The following MORC1 variants were observed in gnomAD, a reference collection of about 807,000 sequenced individuals.
MORC1 encodes the protein MORC family CW-type zinc finger 1, also known as MORC family CW-type zinc finger protein 1.
MORC1 carries 59 observed loss-of-function variants against 134.9 expected under a neutral mutation model. The observed-to-expected ratio is 0.44, with a 90% CI of 0.35 to 0.54. MORC1 has a LOEUF of 0.54. Ranked by LOEUF, MORC1 falls within the 20% of genes least tolerant of loss-of-function variation. The pLI is 0.00. For missense variants in MORC1, 947 were observed against 1,134.5 expected (o/e 0.83, Z 2.37); for synonymous variants, 395 against 391.7 (o/e 1.01, Z -0.10).
intron 21 of MORC1, among the ~76,000 whole-genome samples, chr3:108,998,261 T>C (rs914810177): frequency 1.3e-5 from 2 of 152,240 alleles, no homozygotes; most frequent in African/African-American, 4.8e-5. Context: ...ATCTTTTAAA[T>C]GACTGAACTG....
At chr3:109,011,040 T>C (rs1948669264) in intron 17 of MORC1, among the ~76,000 whole-genome samples, 1 of 152,220 alleles carries the variant, frequency 6.6e-6, no homozygotes. Context: ...CTGGGTCATA[T>C]GATAGGTATA....
intron 8 of MORC1, among the ~76,000 whole-genome samples, chr3:109,075,427 A>G (rs1243894245): frequency 6.6e-6 from 1 of 152,192 alleles, no homozygotes; most frequent in Non-Finnish European, 1.5e-5. Flanking sequence ...TAGAGTTTTT[A>G]TGGCTTTAGG....
intron 9 of MORC1, among the ~76,000 whole-genome samples, chr3:109,067,212 T>C (rs1479780056): frequency 1.3e-5 from 2 of 152,212 alleles, no homozygotes; most frequent in African/African-American, 4.8e-5. Flanking sequence ...TATGGGTCTA[T>C]GGTTAAGCAA....
intron 14 of MORC1, chr3:109,049,171 A>G (rs1243343537): frequency 3.7e-5 from 36 of 984,886 alleles, no homozygotes; most frequent in Non-Finnish European, 4.3e-5. Flanking sequence ...TTTTCCTGGT[A>G]GTCCCTTTCT....
chr3:109,011,112 G>A (rs901506711), intron 17 of MORC1, among the ~76,000 whole-genome samples: 1 of 152,200 alleles, frequency 6.6e-6, no homozygotes. Context: ...CCCTTTGGGA[G>A]GCCAAGGCAG....
chr3:109,061,902 G>C lies in MORC1; in HGVS notation c.966+86C>G. ...TTATCTGTGCTTAAAAGTTTAGGAA[G>C]TAGATGATAAGAGACAACTATGCAC... On this transcript the variant is annotated intron_variant, in intron 11 of 27. Transcript: ENST00000232603. The C allele has an allele frequency of 4.2e-6, 5 of 1,178,568 alleles. No homozygotes were observed. In the South Asian group the frequency reaches 4.9e-5, roughly 12 times the overall value. 73.0% of individuals were successfully genotyped at this position (1,178,568 alleles called of 1,614,324 possible).
chr3:108,961,605 T>C (rs961883597), intron 27 of MORC1, among the ~76,000 whole-genome samples: 2 of 152,120 alleles, frequency 1.3e-5, no homozygotes, highest in South Asian at 2.1e-4. Context: ...AACTGTGAAA[T>C]AGAAATTTCA....
intron 8 of MORC1, among the ~76,000 whole-genome samples, chr3:109,086,589 G>A (rs1439878745): frequency 2.6e-5 from 4 of 152,002 alleles, no homozygotes; most frequent in Non-Finnish European, 5.9e-5. Flanking sequence ...ACTTAACCCA[G>A]TAATAGTATT....
rs568674624 is a variant in MORC1 at position 109,051,328 on chromosome 3, C to CA, written c.1330+3399dup. Among the ~76,000 whole-genome samples the CA allele has an allele frequency of 4.6e-5, 7 of 152,194 alleles. No homozygotes were observed. The East Asian group carries it at 9.7e-4, about 21-fold the overall frequency. ...AAGACTGCATCTTTTATTTACAAGG[C>CA]AAAAAAATCTACCTAAATACTTTTC... is the stretch of plus-strand genomic sequence containing the variant. On this transcript the variant is annotated intron_variant, in intron 14 of 27. Coordinates refer to ENST00000232603, the MANE Select transcript of MORC1 (RefSeq NM_014429.4).
intron 17 of MORC1, among the ~76,000 whole-genome samples, chr3:109,025,746 A>G (rs1949060537): frequency 6.6e-6 from 1 of 152,202 alleles, no homozygotes. Flanking sequence ...CTTCTATTGC[A>G]GTGTCAGTTA....
intron 24 of MORC1, among the ~76,000 whole-genome samples, chr3:108,978,185 T>C (rs909878118): frequency 3.9e-5 from 6 of 151,964 alleles, no homozygotes; most frequent in African/African-American, 1.4e-4. Flanking sequence ...CCAAGGCCTT[T>C]TTCAACCTTA....
chr3:109,069,135 G>A (rs1414201291), intron 9 of MORC1, among the ~76,000 whole-genome samples: 1 of 152,130 alleles, frequency 6.6e-6, no homozygotes, highest in Admixed American at 6.5e-5. Context: ...CAGCCTGGGT[G>A]ACAAGAGAGA....
intron 17 of MORC1, among the ~76,000 whole-genome samples, chr3:109,016,071 CT>C (rs1246319156): frequency 9.2e-5 from 14 of 152,236 alleles, no homozygotes; most frequent in Admixed American, 5.9e-4. Context: ...ATTTTAAATA[CT>C]TTTGTGCATG....
At chr3:108,996,433 T>G (rs532076846) in intron 21 of MORC1, among the ~76,000 whole-genome samples, 1 of 152,236 alleles carries the variant, frequency 6.6e-6, no homozygotes, top group South Asian at 2.1e-4. Context: ...ATAAGAAGTT[T>G]GCTGAAATGC....
At chr3:109,099,567 C>T (rs1371912182) in intron 5 of MORC1, 101 bp from the exon 6 acceptor site, 1 of 865,166 alleles carries the variant, frequency 1.2e-6, no homozygotes, top group African/African-American at 1.8e-5. Flanking sequence ...GATGTTCTTT[C>T]CAACACTCTG....
At chr3:109,100,130 C>T (rs1310074108) in intron 5 of MORC1, among the ~76,000 whole-genome samples, 1 of 152,106 alleles carries the variant, frequency 6.6e-6, no homozygotes, top group Non-Finnish European at 1.5e-5. Context: ...GTAATCCCAG[C>T]TGCCCAGGAG....
At chr3:109,110,993 A>C (rs1026086958) in intron 2 of MORC1, among the ~76,000 whole-genome samples, 6 of 151,500 alleles carry the variant, frequency 4.0e-5, no homozygotes, top group Admixed American at 3.3e-4. Flanking sequence ...AGAAATGTGA[A>C]AGAAGAGATG....
chr3:109,028,585 G>A (rs1219406572), intron 16 of MORC1, among the ~76,000 whole-genome samples: 1 of 152,090 alleles, frequency 6.6e-6, no homozygotes, highest in African/African-American at 2.4e-5. Flanking sequence ...AACAGGCTAT[G>A]GATGAGCACA....
intron 4 of MORC1, among the ~76,000 whole-genome samples, chr3:109,102,725 C>A (rs1376611340): frequency 6.6e-6 from 1 of 152,052 alleles, no homozygotes; most frequent in Non-Finnish European, 1.5e-5. Flanking sequence ...ATAAGGAATT[C>A]CCTTAGAATA....
Sources: gnomAD v4.1 joint callset for allele counts (sites outside exome capture counted in the v4.1 genomes callset) on GRCh38, gnomAD v4.1.1 for gene constraint, MANE v1.5 for transcripts, NCBI Gene and HGNC (gene_info 2026-07-23, HGNC 2026-07-21) for gene names.